KDM4B: variants seen among roughly 807,000 people sequenced by gnomAD.
The protein encoded by KDM4B is lysine-specific demethylase 4B.
In KDM4B, 32 loss-of-function variants were observed where a neutral mutation model predicts 125.2. The ratio of observed to expected loss-of-function variants is 0.26; its 90% CI spans 0.19 to 0.34. The LOEUF (loss-of-function observed/expected upper bound fraction) is 0.34, where lower values mean the gene tolerates loss of function less well. KDM4B is among the 10% of genes least tolerant of loss of function. KDM4B has a pLI of 1.00. For missense variants in KDM4B, 1,190 were observed against 1,577.7 expected (o/e 0.75, Z 4.16); for synonymous variants, 721 against 677.9 (o/e 1.06, Z -0.99).
chr19:5,000,345 C>G (rs142844084), intron 1 of KDM4B, among the ~76,000 whole-genome samples: 178 of 151,646 alleles, frequency 1.2e-3, no homozygotes, highest in Non-Finnish European at 2.0e-3. Context: ...ACCCATTCAC[C>G]TATCCATCCA....
At chr19:5,080,409 G>A (rs1039997879) in intron 8 of KDM4B, among the ~76,000 whole-genome samples, 3 of 152,296 alleles carry the variant, frequency 2.0e-5, no homozygotes, top group South Asian at 2.1e-4. Context: ...CGATGAATTC[G>A]GCGTGAGGGG....
At chr19:5,098,241 A>T (rs1337547647) in intron 9 of KDM4B, among the ~76,000 whole-genome samples, 1 of 152,158 alleles carries the variant, frequency 6.6e-6, no homozygotes, top group East Asian at 1.9e-4. Flanking sequence ...TTGCAATATG[A>T]TGTTAAAGGA....
chr19:4,978,275 G>A (rs1383624232), intron 1 of KDM4B, among the ~76,000 whole-genome samples: 3 of 152,070 alleles, frequency 2.0e-5, no homozygotes, highest in Admixed American at 6.6e-5. Flanking sequence ...GGGAGGCTGA[G>A]GAGGGTGGAT....
At chr19:5,058,780 G>A (rs180966076) in intron 6 of KDM4B, among the ~76,000 whole-genome samples, 2 of 152,356 alleles carry the variant, frequency 1.3e-5, no homozygotes, top group African/African-American at 2.4e-5. Flanking sequence ...CAGTGCACAC[G>A]CTGGCTCGTG....
At chr19:4,988,298 C>T (rs1222270193) in intron 1 of KDM4B, among the ~76,000 whole-genome samples, 2 of 151,952 alleles carry the variant, frequency 1.3e-5, no homozygotes, top group Non-Finnish European at 2.9e-5. Context: ...TTTTTTGAGA[C>T]GGAGTCTTGT....
chr19:5,122,425 G>A (rs770472127), intron 11 of KDM4B, among the ~76,000 whole-genome samples: 12 of 152,324 alleles, frequency 7.9e-5, no homozygotes, highest in African/African-American at 2.2e-4. Flanking sequence ...CAGGGATAAG[G>A]ATGCAGATGC....
chr19:5,048,355 CGT>C (rs1207084151), intron 6 of KDM4B, among the ~76,000 whole-genome samples: 1 of 152,206 alleles, frequency 6.6e-6, no homozygotes, highest in Non-Finnish European at 1.5e-5. Flanking sequence ...AGTATGCATG[CGT>C]GTGTGTGCCC....
intron 1 of KDM4B, among the ~76,000 whole-genome samples, chr19:4,987,872 G>A (rs548498555): frequency 1.3e-5 from 2 of 152,292 alleles, no homozygotes; most frequent in African/African-American, 4.8e-5. Flanking sequence ...GACTGGGGGT[G>A]GCTTTTGGAG....
At chr19:5,010,424 A>G (rs1334641337) in intron 1 of KDM4B, among the ~76,000 whole-genome samples, 2 of 152,132 alleles carry the variant, frequency 1.3e-5, no homozygotes, top group African/African-American at 4.8e-5. Flanking sequence ...CTCCACTGCA[A>G]AGTTACTCCT....
At chr19:5,060,419 GAA>G (rs1321958226) in intron 6 of KDM4B, among the ~76,000 whole-genome samples, 1 of 113,232 alleles carries the variant, frequency 8.8e-6, no homozygotes, top group Admixed American at 1.1e-4. Flanking sequence ...GGTGACGGAG[GAA>G]GACTCTGTCT....
intron 2 of KDM4B, among the ~76,000 whole-genome samples, chr19:5,029,365 G>C (rs181506733): frequency 6.6e-6 from 1 of 152,306 alleles, no homozygotes; most frequent in Non-Finnish European, 1.5e-5. Context: ...TGTGTCCTCT[G>C]TCTGCCACAT....
At chr19:5,014,910 G>T (rs1238931736) in intron 1 of KDM4B, among the ~76,000 whole-genome samples, 2 of 151,810 alleles carry the variant, frequency 1.3e-5, no homozygotes, top group Non-Finnish European at 1.5e-5. Context: ...CAGGAGAATT[G>T]CTTGAACCCG....
At chr19:5,019,727 G>T (rs1217330052) in intron 2 of KDM4B, among the ~76,000 whole-genome samples, 4 of 146,254 alleles carry the variant, frequency 2.7e-5, no homozygotes, top group African/African-American at 1.0e-4. Context: ...GTGTGCAGGT[G>T]TGGGTGTTGG....
At chr19:5,107,193 G>C (rs773315753) in intron 9 of KDM4B, among the ~76,000 whole-genome samples, 2 of 152,248 alleles carry the variant, frequency 1.3e-5, no homozygotes, top group Non-Finnish European at 2.9e-5. Context: ...CACGGTTCTA[G>C]CGGCCATGTG....
chr19:5,097,760 T>C (rs1395179776), intron 9 of KDM4B, among the ~76,000 whole-genome samples: 1 of 152,222 alleles, frequency 6.6e-6, no homozygotes, highest in African/African-American at 2.4e-5. Context: ...TGGAGCTGGG[T>C]ACTGGGTGCA....
Position 5,144,047 on chromosome 19 carries a change from C to T in KDM4B, c.2631C>T (p.Ser877=), listed in dbSNP as rs771721623. The part of the protein sequence containing the change: ...IQCSYEHCST[S]FHVTCAHAAG... The stretch of plus-strand genomic sequence containing the variant: ...GCTCCTACGAGCACTGCTCCACGTC[C>T]TTCCACGTGACCTGCGCCCACGCCG... Residue 877 remains serine (S), a synonymous_variant, in exon 19 of 23, where the codon TCC becomes TCT. Coordinates refer to ENST00000159111, the MANE Select transcript of KDM4B (RefSeq NM_015015.3). 1.4e-5 allele frequency: 23 copies of T among 1,606,292 alleles called. No homozygotes were observed. Among genetic ancestry groups the T allele is most frequent in the East Asian group, 4.5e-5 (2 of 44,594 alleles).
chr19:5,012,384 TC>T (rs1323312867), intron 1 of KDM4B, among the ~76,000 whole-genome samples: 2 of 152,214 alleles, frequency 1.3e-5, no homozygotes, highest in African/African-American at 4.8e-5. Flanking sequence ...TAATGACACT[TC>T]CCGCTTCATT....
chr19:5,091,382 C>T (rs914698540), intron 9 of KDM4B, among the ~76,000 whole-genome samples: 13 of 152,166 alleles, frequency 8.5e-5, no homozygotes, highest in Non-Finnish European at 1.0e-4. Context: ...GTGTGCCAGC[C>T]TCCCCGGGGA....
chr19:5,150,227 G>A, intron 21 of KDM4B, 131 bp from the exon 22 acceptor site: 1 of 631,708 alleles, frequency 1.6e-6, no homozygotes, highest in Non-Finnish European at 2.8e-6. Flanking sequence ...GCTTCAGCTT[G>A]GCTGCATGTG....
Sources: gnomAD v4.1 joint callset for allele counts (sites outside exome capture counted in the v4.1 genomes callset) on GRCh38, gnomAD v4.1.1 for gene constraint, MANE v1.5 for transcripts, NCBI Gene and HGNC (gene_info 2026-07-23, HGNC 2026-07-21) for gene names.